The following CSMD1 variants were observed in gnomAD, a reference collection of about 807,000 sequenced individuals.
CSMD1 encodes the protein CUB and Sushi multiple domains 1.
A neutral mutation model predicts 417.5 loss-of-function variants in CSMD1; 213 were observed. The ratio of observed to expected loss-of-function variants is 0.51; its 90% CI spans 0.46 to 0.57. The LOEUF (loss-of-function observed/expected upper bound fraction) is 0.57, where lower values mean the gene tolerates loss of function less well. Ranked by LOEUF, CSMD1 falls within the 20% of genes least tolerant of loss-of-function variation. The pLI, the probability that CSMD1 is intolerant of heterozygous loss-of-function variation, is 0.00. For missense variants in CSMD1, 6,923 were observed against 4,529.7 expected (o/e 1.53, Z -15.17); for synonymous variants, 2,862 against 1,736.8 (o/e 1.65, Z -16.11).
At chr8:3,065,295 A>G (rs936735201) in intron 49 of CSMD1, among the ~76,000 whole-genome samples, 36 of 139,318 alleles carry the variant, frequency 2.6e-4, no homozygotes, top group Non-Finnish European at 3.4e-4. Context: ...AGATAGATAG[A>G]TAGATAGGTA....
At chr8:4,793,022 ATAAGCCAT>A (rs1285522087) in intron 1 of CSMD1, among the ~76,000 whole-genome samples, 1 of 151,938 alleles carries the variant, frequency 6.6e-6, no homozygotes, top group Non-Finnish European at 1.5e-5. Flanking sequence ...ACACACATAC[ATAAGCCAT>A]TAAGCCATTG....
chr8:4,069,480 G>A lies in CSMD1; in HGVS notation c.416-37381C>T, dbSNP rs76483293. On this transcript the variant is annotated intron_variant, in intron 3 of 69. Transcript: ENST00000635120. ...GTCTTTCGCAGGATATTATCTCTAGGTAAGTAAATGTGCAGACAGCCTGAC... is the reference window on the plus strand; with the variant it reads ...GTCTTTCGCAGGATATTATCTCTAGATAAGTAAATGTGCAGACAGCCTGAC... 2.0e-3 allele frequency among the ~76,000 whole-genome samples: 299 copies of A among 152,254 alleles called. 2 individuals carry two copies. Among genetic ancestry groups the A allele is most frequent in the South Asian group, 4.6e-3 (22 of 4,824 alleles).
At chr8:3,384,226 A>G (rs983934514) in intron 18 of CSMD1, among the ~76,000 whole-genome samples, 2 of 152,170 alleles carry the variant, frequency 1.3e-5, no homozygotes, top group African/African-American at 2.4e-5. Flanking sequence ...TGTCTGAGAG[A>G]TAGTCTAAAT....
chr8:3,772,268 C>CATATGTACATATATTTAGACATAT (rs1798620818), intron 5 of CSMD1, among the ~76,000 whole-genome samples: 5 of 130,426 alleles, frequency 3.8e-5, no homozygotes, highest in Non-Finnish European at 7.9e-5. Flanking sequence ...TTTAGACATA[C>CATATGTACATATATTTAGACATAT]ATATGTACAT....
At chr8:3,444,674 T>C (rs894317241) in intron 12 of CSMD1, among the ~76,000 whole-genome samples, 5 of 152,142 alleles carry the variant, frequency 3.3e-5, no homozygotes, top group South Asian at 2.1e-4. Flanking sequence ...GAAATGGTGA[T>C]AGGCCTGAGG....
chr8:3,465,983 A>C (rs1425661103), intron 12 of CSMD1, among the ~76,000 whole-genome samples: 3 of 152,150 alleles, frequency 2.0e-5, no homozygotes, highest in Non-Finnish European at 2.9e-5. Context: ...CTTACAATTC[A>C]TCTAAACACC....
chr8:2,998,975 T>A (rs1025861196), intron 53 of CSMD1, among the ~76,000 whole-genome samples: 4 of 152,236 alleles, frequency 2.6e-5, no homozygotes, highest in African/African-American at 9.6e-5. Flanking sequence ...ATTTCTTTTG[T>A]CTACTTCATA....
chr8:3,545,412 T>C (rs1022576501), intron 10 of CSMD1, among the ~76,000 whole-genome samples: 8 of 152,220 alleles, frequency 5.3e-5, no homozygotes, highest in Non-Finnish European at 1.2e-4. Flanking sequence ...TGATGTCTGA[T>C]GGTCCAAGGT....
chr8:4,993,659 G>A (rs1371783327), intron 1 of CSMD1, among the ~76,000 whole-genome samples: 3 of 152,178 alleles, frequency 2.0e-5, no homozygotes, highest in Non-Finnish European at 4.4e-5. Context: ...AGCCGGTCCA[G>A]AACTCCTAGC....
intron 15 of CSMD1, among the ~76,000 whole-genome samples, chr8:3,403,001 G>T (rs998354465): frequency 6.6e-6 from 1 of 152,070 alleles, no homozygotes; most frequent in Non-Finnish European, 1.5e-5. Context: ...GATAGTATAG[G>T]CATTAAGGTT....
At chr8:4,057,742 T>G (rs1328195628) in intron 3 of CSMD1, among the ~76,000 whole-genome samples, 2 of 152,000 alleles carry the variant, frequency 1.3e-5, no homozygotes, top group African/African-American at 4.8e-5. Context: ...AGTTTCAGCT[T>G]TCTACATATG....
chr8:3,628,343 G>A (rs1218814592), intron 7 of CSMD1, among the ~76,000 whole-genome samples: 1 of 152,162 alleles, frequency 6.6e-6, no homozygotes, highest in Non-Finnish European at 1.5e-5. Flanking sequence ...GCCCACACCG[G>A]CCGAGGGTGA....
At chr8:3,829,784 T>C (rs1025439195) in intron 5 of CSMD1, among the ~76,000 whole-genome samples, 5 of 152,180 alleles carry the variant, frequency 3.3e-5, no homozygotes, top group African/African-American at 7.2e-5. Context: ...ACAGGAATAT[T>C]GAATGAGGTT....
At chr8:4,960,533 G>A (rs373010257) in intron 1 of CSMD1, among the ~76,000 whole-genome samples, 2 of 152,082 alleles carry the variant, frequency 1.3e-5, no homozygotes, top group African/African-American at 4.8e-5. Flanking sequence ...AAAGTTAAGC[G>A]CTTGTACATC....
At chr8:4,488,207 C>T (rs964994260) in intron 2 of CSMD1, among the ~76,000 whole-genome samples, 22 of 152,158 alleles carry the variant, frequency 1.4e-4, no homozygotes, top group Non-Finnish European at 2.5e-4. Context: ...TGTTTATAAT[C>T]CAACAACTTA....
At chr8:3,484,421 T>G (rs1200763978) in intron 11 of CSMD1, among the ~76,000 whole-genome samples, 1 of 152,182 alleles carries the variant, frequency 6.6e-6, no homozygotes, top group African/African-American at 2.4e-5. Context: ...TCTCATGCCA[T>G]ATACAAAAAC....
chr8:3,962,714 T>C (rs1031889010), intron 5 of CSMD1, among the ~76,000 whole-genome samples: 16 of 152,228 alleles, frequency 1.1e-4, no homozygotes, highest in African/African-American at 3.8e-4. Context: ...GGCCCTTTCT[T>C]GCAGACTCTT....
intron 5 of CSMD1, among the ~76,000 whole-genome samples, chr8:3,961,990 G>A (rs566357231): frequency 2.0e-5 from 3 of 152,160 alleles, no homozygotes; most frequent in East Asian, 1.9e-4. Flanking sequence ...ACATCACAAA[G>A]TTGCACAAAG....
At chr8:4,776,644 G>A (rs569315488) in intron 1 of CSMD1, among the ~76,000 whole-genome samples, 82 of 152,212 alleles carry the variant, frequency 5.4e-4, no homozygotes, top group African/African-American at 1.9e-3. Flanking sequence ...TAAATAGGGG[G>A]GTTGTGAACT....
Sources: gnomAD v4.1 joint callset for allele counts (sites outside exome capture counted in the v4.1 genomes callset) on GRCh38, gnomAD v4.1.1 for gene constraint, MANE v1.5 for transcripts, NCBI Gene and HGNC (gene_info 2026-07-23, HGNC 2026-07-21) for gene names.